The following DHX40 variants were observed in gnomAD, a reference collection of about 807,000 sequenced individuals.
DHX40 encodes DEAH-box helicase 40.
DHX40 carries 28 observed loss-of-function variants against 89.6 expected under a neutral mutation model. The ratio of observed to expected loss-of-function variants is 0.31; its 90% confidence interval spans 0.23 to 0.43. The LOEUF (loss-of-function observed/expected upper bound fraction) is 0.43, where lower values mean the gene tolerates loss of function less well. Ranked by LOEUF, DHX40 falls within the 20% of genes least tolerant of loss-of-function variation. The probability of loss-of-function intolerance (pLI) is 1.00; values close to 1 mark genes in which losing one functional copy is unlikely to be tolerated. For synonymous variants in DHX40, 226 were observed against 283.6 expected (o/e 0.80, Z 2.04); for missense variants, 457 against 844.0 (o/e 0.54, Z 5.68).
rs1280247401 is a variant in DHX40, at chr17:59,573,819, T to C, written c.626T>C (p.Met209Thr). ...AAGGAGCATTTAAAAGTGGTGGTAA[T>C]GTCAGCAACTATGGAATTAGCCAAG... Reference protein sequence around the residue: ...NRKEHLKVVVMSATMELAKLS... With the variant: ...NRKEHLKVVVTSATMELAKLS... The change falls in exon 5 of 18, where the codon ATG becomes ACG. Residue 209 changes from methionine to threonine, a missense_variant. Met to Thr is a moderately conservative substitution (Grantham distance 81). This residue lies in a region of DHX40 where 116 missense variants were observed against 188.9 expected (regional missense o/e 0.61). Transcript: ENST00000251241. 3.7e-6 allele frequency: 6 copies of C among 1,613,680 alleles called. No homozygotes were observed. The highest frequency in any genetic ancestry group is 2.2e-5 in the South Asian group (2 of 91,064).
rs768181823 is a variant in DHX40 at position 59,588,014 on chromosome 17, G to A, written c.1543G>A (p.Ala515Thr). ...LDCEDLLLPI[A>T]AMLSVENVFI... ...TTGTGAAGATCTACTACTTCCAATA[G>A]CAGCAATGTTGTCTGTGGAAAACGT... is the stretch of plus-strand genomic sequence containing the variant. Residue 515 changes from alanine (A) to threonine (T), a missense_variant, in exon 12 of 18, where the codon GCA (alanine) becomes ACA (threonine). Around this residue, in one of 9 missense-constraint regions of DHX40, gnomAD observed 19 missense variants for 24.2 expected, o/e 0.78. Transcript: ENST00000251241. 24 of 1,613,500 alleles carry A rather than the reference G, an allele frequency of 1.5e-5. No individual in the cohort carries two copies. The highest frequency in any genetic ancestry group is 1.9e-5 in the Non-Finnish European group (22 of 1,179,778).
rs767352983 is a variant in DHX40 at position 59,605,490 on chromosome 17, G to C, written c.2016G>C (p.Glu672Asp). 8 of 1,613,720 alleles carry C rather than the reference G, an allele frequency of 5.0e-6. No individual in the cohort carries two copies. In the African/African-American group the frequency reaches 6.7e-5, roughly 13 times the overall value. ...ETKLEWIIFH[E>D]VLVTTKVYAR... ...AACTTGAATGGATCATTTTTCATGA[G>C]GTATTGGTTACCACCAAAGTCTACG... is the stretch of plus-strand genomic sequence containing the variant. Residue 672 changes from glutamate (E) to aspartate (D), a missense_variant, in exon 17 of 18, where the codon GAG becomes GAC. Physicochemically the swap from Glu to Asp is conservative, Grantham distance 45. Coordinates refer to ENST00000251241, the MANE Select transcript of DHX40 (RefSeq NM_024612.5).
At chr17:59,571,324 G>T (rs927850483) in intron 3 of DHX40, among the ~76,000 whole-genome samples, 1 of 151,862 alleles carries the variant, frequency 6.6e-6, no homozygotes, top group Non-Finnish European at 1.5e-5. Context: ...GGGCACGGTG[G>T]TGCATGCCTG....
chr17:59,593,815 C>CT (rs2049113971), intron 12 of DHX40, among the ~76,000 whole-genome samples: 2 of 151,918 alleles, frequency 1.3e-5, no homozygotes, highest in Admixed American at 6.6e-5. Flanking sequence ...AACAAAAAAA[C>CT]TTTAATTCGT....
chr17:59,607,555 T>C lies in DHX40; in HGVS notation c.*383T>C, dbSNP rs1404769866. ...TGCATTGAAGCATTAAAAATTATTT[T>C]TCTTAAAATCTCTTTAAGGCCTTCT... is the stretch of plus-strand genomic sequence containing the variant. On this transcript the variant is annotated 3_prime_UTR_variant, in exon 18 of 18. Coordinates refer to ENST00000251241, the MANE Select transcript of DHX40 (RefSeq NM_024612.5). 2.2e-6 allele frequency: 1 copy of C among 461,440 alleles called. No homozygotes were observed. Among genetic ancestry groups the C allele is most frequent in the East Asian group, 3.5e-5 (1 of 28,428 alleles). The allele number at this position is 461,440 out of a possible 1,614,324, so 28.6% of individuals were successfully genotyped here.
intron 16 of DHX40, 113 bp from the exon 17 acceptor site, chr17:59,605,333 C>T: frequency 7.6e-7 from 1 of 1,321,244 alleles, no homozygotes; most frequent in Non-Finnish European, 1.0e-6. Flanking sequence ...GCCTGTGCCT[C>T]CTGTTTGAAG....
chr17:59,573,759 T>C lies in DHX40; in HGVS notation c.566T>C (p.Leu189Ser). Residue 189 changes from leucine to serine, a missense_variant, in exon 5 of 18, where the codon TTG (leucine) becomes TCG (serine). Leu to Ser is a moderately radical substitution (Grantham distance 145, BLOSUM62 -2). This residue lies in a region of DHX40 where 116 missense variants were observed against 188.9 expected (regional missense o/e 0.61). Transcript: ENST00000251241. ...TLTTDILFGLLKKLFQEKSPN... is the reference protein window; with the variant it reads ...TLTTDILFGLSKKLFQEKSPN... ...TTTCAGGATATCTTATTTGGTTTATTGAAGAAGCTATTTCAGGAGAAGTCT... is the reference window on the plus strand; with the variant it reads ...TTTCAGGATATCTTATTTGGTTTATCGAAGAAGCTATTTCAGGAGAAGTCT... The C allele has an allele frequency of 6.2e-7, 1 of 1,614,044 alleles. No individual in the cohort carries two copies. The highest frequency in any genetic ancestry group is 8.5e-7 in the Non-Finnish European group (1 of 1,179,972).
intron 14 of DHX40, among the ~76,000 whole-genome samples, chr17:59,600,584 C>A (rs61163537): frequency 2.6e-5 from 4 of 151,894 alleles, no homozygotes; most frequent in Non-Finnish European, 5.9e-5. Context: ...TGATGATTAA[C>A]CCCTGTAATC....
intron 2 of DHX40, among the ~76,000 whole-genome samples, chr17:59,569,083 C>T (rs1473703723): frequency 2.0e-5 from 3 of 152,004 alleles, no homozygotes; most frequent in African/African-American, 4.8e-5. Flanking sequence ...GATCCCAGCA[C>T]ATTGGGAGGC....
rs979509522 is a variant in DHX40 at position 59,569,738 on chromosome 17, A to T, written c.281-780A>T. ...ATATATATATATAGATATATATATA[A>T]TTTTTTCTTTCTTTTTTTTTGTTTT... On this transcript the variant is annotated intron_variant, in intron 2 of 17. Coordinates refer to ENST00000251241, the MANE Select transcript of DHX40 (RefSeq NM_024612.5). Among the ~76,000 whole-genome samples the T allele has an allele frequency of 1.5e-3, 209 of 144,120 alleles. 2 individuals carry two copies. The highest frequency in any genetic ancestry group is 5.2e-3 in the African/African-American group (202 of 38,496). 94.5% of individuals were successfully genotyped at this position (144,120 alleles called of 152,430 possible). A position where few individuals can be genotyped will look rare whatever the true frequency, so the allele number is the denominator to read the frequency against.
rs1399486852 is a variant in DHX40, at chr17:59,607,018, T to TA, written c.2201-15_2201-14insA. On this transcript the variant is annotated splice_polypyrimidine_tract_variant and intron_variant, in intron 17 of 17. Transcript: ENST00000251241. ...CAAAGCTAAGTTTTATTGGATTAAT[T>TA]TGTAATGTTTTCAGATGGAATATCG... 4.4e-6 allele frequency: 7 copies of TA among 1,606,656 alleles called. No individual in the cohort carries two copies. Among genetic ancestry groups the TA allele is most frequent in the Non-Finnish European group, 6.0e-6 (7 of 1,175,258 alleles).
chr17:59,568,453 G>T (rs1212380571), intron 2 of DHX40, among the ~76,000 whole-genome samples: 2 of 151,890 alleles, frequency 1.3e-5, no homozygotes, highest in Admixed American at 6.6e-5. Flanking sequence ...CTTATCCTTG[G>T]GAGATGCCTT....
chr17:59,569,380 T>G (rs2143196926), intron 2 of DHX40, among the ~76,000 whole-genome samples: 1 of 150,896 alleles, frequency 6.6e-6, no homozygotes, highest in South Asian at 2.1e-4. Context: ...CCAGTTTTAC[T>G]CTTGTGGCAA....
intron 15 of DHX40, chr17:59,604,348 A>G (rs2030715444): frequency 6.6e-6 from 1 of 152,156 alleles, no homozygotes; most frequent in Non-Finnish European, 1.5e-5. Flanking sequence ...AATATGGTAT[A>G]TCTTGGTTAC....
intron 11 of DHX40, among the ~76,000 whole-genome samples, chr17:59,587,627 T>A (rs2049018058): frequency 6.6e-6 from 1 of 151,884 alleles, no homozygotes; most frequent in Non-Finnish European, 1.5e-5. Context: ...CCAGCTAATT[T>A]TTGTGTTTTT....
intron 16 of DHX40, 85 bp downstream of exon 16, chr17:59,605,269 T>G: frequency 1.4e-6 from 2 of 1,422,398 alleles, no homozygotes; most frequent in South Asian, 2.4e-5. Flanking sequence ...CTTTTCACTT[T>G]GGAGTTAAAT....
intron 12 of DHX40, among the ~76,000 whole-genome samples, chr17:59,588,623 C>T (rs1411786636): frequency 2.6e-5 from 4 of 151,836 alleles, no homozygotes; most frequent in Admixed American, 6.6e-5. Context: ...TGAGCCAGCA[C>T]GCCCAGCCGG....
In DHX40 at chr17:59,575,489, T is replaced by G; in HGVS notation, c.973+18T>G. The G allele has an allele frequency of 6.2e-7, 1 of 1,608,530 alleles. No individual in the cohort carries two copies. Among genetic ancestry groups the G allele is most frequent in the Non-Finnish European group, 8.5e-7 (1 of 1,178,266 alleles). Reference sequence around the variant, plus strand: ...GACAACAGGTAATTTCTCATTAGAATAGAAAATTTGATTTTTTAAAAAAAC... The same window carrying G: ...GACAACAGGTAATTTCTCATTAGAAGAGAAAATTTGATTTTTTAAAAAAAC... On this transcript the variant is annotated intron_variant, in intron 7 of 17. Coordinates refer to ENST00000251241, the MANE Select transcript of DHX40 (RefSeq NM_024612.5).
At chr17:59,577,473 T>G (rs1283692284) in intron 8 of DHX40, 108 bp downstream of exon 8, 3 of 791,876 alleles carry the variant, frequency 3.8e-6, no homozygotes, top group Non-Finnish European at 6.2e-6. Flanking sequence ...TTCCCTTCTC[T>G]CCTACTTTTT....
Sources: allele counts gnomAD v4.1 joint callset (sites outside exome capture counted in the v4.1 genomes callset), GRCh38; gene constraint gnomAD v4.1.1; regional missense constraint gnomAD v4.1.1; transcripts MANE v1.5; gene names NCBI Gene and HGNC (gene_info 2026-07-23, HGNC 2026-07-21).